Variants in TRDN observed in about 807,000 individuals in gnomAD.
The protein encoded by TRDN is triadin, also known as triadin in skeletal muscle.
A neutral mutation model predicts 149.7 loss-of-function variants in TRDN; 161 were observed. That is an observed-to-expected ratio of 1.08 (90% CI 0.95 to 1.23). TRDN has a LOEUF of 1.23. TRDN is among the 50% of genes most tolerant of loss of function. The probability of loss-of-function intolerance (pLI) is 0.00; values close to 1 mark genes in which losing one functional copy is unlikely to be tolerated. For missense variants in TRDN, 896 were observed against 823.5 expected (o/e 1.09, Z -1.08); for synonymous variants, 294 against 250.5 (o/e 1.17, Z -1.64).
chr6:123,510,771 G>A (rs1779142495), intron 7 of TRDN, among the ~76,000 whole-genome samples: 7 of 151,964 alleles, frequency 4.6e-5, no homozygotes, highest in Admixed American at 3.3e-4. Context: ...AGCCTTCTGA[G>A]TAGCTGGGAT....
At chr6:123,451,536 C>G (rs9490764) in intron 10 of TRDN, among the ~76,000 whole-genome samples, 22,723 of 151,976 alleles carry the variant, frequency 0.15, 2,184 homozygotes, top group African/African-American at 0.28. Flanking sequence ...TACATCCCTC[C>G]TAGTTTAAAT....
At chr6:123,563,717 C>T (rs899431022) in intron 2 of TRDN, among the ~76,000 whole-genome samples, 2 of 152,184 alleles carry the variant, frequency 1.3e-5, no homozygotes, top group Non-Finnish European at 2.9e-5. Context: ...GATAATACAG[C>T]AATTAACATA....
chr6:123,392,607 T>A (rs183100823), intron 13 of TRDN, among the ~76,000 whole-genome samples: 64 of 152,130 alleles, frequency 4.2e-4, no homozygotes, highest in African/African-American at 1.5e-3. Context: ...ATATTCCCTA[T>A]CAGAACTTTC....
In TRDN at chr6:123,331,785, G is replaced by A. The variant is rs567917613; in HGVS notation, c.1471+94C>T. 3.5e-5 allele frequency: 27 copies of A among 761,222 alleles called. No individual in the cohort carries two copies. In the East Asian group the frequency reaches 4.0e-4, roughly 11 times the overall value. The allele number at this position is 761,222 out of a possible 1,614,324, so 47.2% of individuals were successfully genotyped here. ...ACATATGAAGGCTATGGTTTTGAGA[G>A]CCTGAAAATGAAATGATTCATTACT... On this transcript the variant is annotated intron_variant, in intron 23 of 40. Transcript: ENST00000334268.
Position 123,511,635 on chromosome 6 carries a change from A to G in TRDN, c.610+668T>C, listed in dbSNP as rs1320475830. On this transcript the variant is annotated intron_variant, in intron 7 of 40. Transcript: ENST00000334268. ...ATTAAAACAAACTTAGCCACTTAAA[A>G]TAACACCCATTTATTATCTTCCAGT... Among the ~76,000 whole-genome samples, 3 of 152,184 alleles carry G rather than the reference A, an allele frequency of 2.0e-5. No individual in the cohort carries two copies. In the East Asian group the frequency reaches 5.8e-4, roughly 29 times the overall value.
chr6:123,622,123 C>T (rs368065690), intron 1 of TRDN, among the ~76,000 whole-genome samples: 165 of 152,200 alleles, frequency 1.1e-3, no homozygotes, highest in African/African-American at 3.7e-3. Context: ...GGACAGCAAA[C>T]CAATCCTTCC....
At chr6:123,344,362 G>A (rs1335649723) in intron 21 of TRDN, among the ~76,000 whole-genome samples, 2 of 151,930 alleles carry the variant, frequency 1.3e-5, no homozygotes, top group Non-Finnish European at 2.9e-5. Context: ...ATAATGACAC[G>A]TATCTGCCAT....
chr6:123,367,934 T>G (rs771591204), intron 19 of TRDN, among the ~76,000 whole-genome samples: 1 of 151,990 alleles, frequency 6.6e-6, no homozygotes, highest in Non-Finnish European at 1.5e-5. Context: ...GAAAACAGAG[T>G]CCATATGGCT....
At chr6:123,591,953 T>C (rs1292788119) in intron 1 of TRDN, among the ~76,000 whole-genome samples, 1 of 150,036 alleles carries the variant, frequency 6.7e-6, no homozygotes, top group Non-Finnish European at 1.5e-5. Flanking sequence ...ACCTAGAGAG[T>C]GGGGACAAGT....
intron 24 of TRDN, among the ~76,000 whole-genome samples, chr6:123,288,621 T>G (rs987129712): frequency 1.3e-5 from 2 of 151,954 alleles, no homozygotes; most frequent in African/African-American, 4.8e-5. Flanking sequence ...AACAGATATG[T>G]GAAAAGATGT....
At chr6:123,355,338 T>A (rs1270061669) in intron 20 of TRDN, among the ~76,000 whole-genome samples, 1 of 151,742 alleles carries the variant, frequency 6.6e-6, no homozygotes, top group Non-Finnish European at 1.5e-5. Flanking sequence ...TTTAAAAAGA[T>A]TTGCCTCCAC....
At chr6:123,633,110 A>C (rs1025500771) in intron 1 of TRDN, among the ~76,000 whole-genome samples, 2 of 152,094 alleles carry the variant, frequency 1.3e-5, no homozygotes, top group Admixed American at 6.6e-5. Flanking sequence ...AGTTGGATAT[A>C]AGCTCTTCTA....
At chr6:123,465,336 AG>A (rs1348484116) in intron 9 of TRDN, among the ~76,000 whole-genome samples, 2 of 152,092 alleles carry the variant, frequency 1.3e-5, no homozygotes, top group Admixed American at 6.6e-5. Context: ...TCAGAAGCTG[AG>A]GGGGAATCTT....
intron 38 of TRDN, among the ~76,000 whole-genome samples, chr6:123,238,478 T>C (rs949397480): frequency 1.3e-5 from 2 of 151,684 alleles, no homozygotes; most frequent in South Asian, 4.1e-4. Context: ...AATGGAATAA[T>C]AAAAACATAT....
At chr6:123,633,366 G>T (rs1786116706) in intron 1 of TRDN, among the ~76,000 whole-genome samples, 1 of 152,024 alleles carries the variant, frequency 6.6e-6, no homozygotes, top group Non-Finnish European at 1.5e-5. Context: ...GTCTCACACA[G>T]TAAGAAGACA....
intron 12 of TRDN, among the ~76,000 whole-genome samples, chr6:123,416,311 C>T (rs938765391): frequency 1.3e-5 from 2 of 152,192 alleles, no homozygotes; most frequent in African/African-American, 2.4e-5. Flanking sequence ...CGGTTAACTT[C>T]ACCTCCTACC....
chr6:123,599,838 G>C (rs577334584), intron 1 of TRDN, among the ~76,000 whole-genome samples: 1 of 151,484 alleles, frequency 6.6e-6, no homozygotes, highest in Admixed American at 6.6e-5. Flanking sequence ...ATCTAGTGTG[G>C]AGCAAGTGCT....
chr6:123,291,381 G>A (rs185288809), intron 24 of TRDN, among the ~76,000 whole-genome samples: 2 of 152,034 alleles, frequency 1.3e-5, no homozygotes, highest in Admixed American at 1.3e-4. Context: ...TGGCTAACAC[G>A]GTGAAACCCT....
At position 123,221,473 on chromosome 6, in the gene TRDN, C is replaced by T; in HGVS notation, c.2050+14G>A. 6.5e-7 allele frequency: 1 copy of T among 1,532,820 alleles called. No homozygotes were observed. Among genetic ancestry groups the T allele is most frequent in the Non-Finnish European group, 9.0e-7 (1 of 1,115,276 alleles). 95.0% of individuals were successfully genotyped at this position (1,532,820 alleles called of 1,614,324 possible). The stretch of plus-strand genomic sequence containing the variant: ...CAGAATGATTTATTACTTTTAATCT[C>T]ATTATAAACTTACTTTTCTGCTTTG... On this transcript the variant is annotated intron_variant, in intron 40 of 40. Coordinates refer to ENST00000334268, the MANE Select transcript of TRDN (RefSeq NM_006073.4).
Sources: gnomAD v4.1 joint callset for allele counts (sites outside exome capture counted in the v4.1 genomes callset) on GRCh38, gnomAD v4.1.1 for gene constraint, MANE v1.5 for transcripts, NCBI Gene and HGNC (gene_info 2026-07-23, HGNC 2026-07-21) for gene names.